Variants in HYAL4 observed in about 807,000 individuals in gnomAD.
HYAL4 encodes hyaluronidase-4.
HYAL4 carries 37 observed loss-of-function variants against 35.2 expected under a neutral mutation model. The observed-to-expected ratio is 1.05, with a 90% CI of 0.81 to 1.38. The LOEUF (loss-of-function observed/expected upper bound fraction) is 1.38. Among genes scored for constraint, HYAL4 ranks in the 40% most tolerant of loss-of-function variants. The pLI is 0.00. For missense variants in HYAL4, 572 were observed against 572.4 expected (o/e 1.00, Z 0.01); for synonymous variants, 198 against 203.2 (o/e 0.97, Z 0.22).
intron 2 of HYAL4, among the ~76,000 whole-genome samples, chr7:123,858,483 G>A (rs1400851385): frequency 6.6e-6 from 1 of 152,038 alleles, no homozygotes; most frequent in African/African-American, 2.4e-5. Flanking sequence ...CCATATGGTA[G>A]GATTGCTGTC....
At chr7:123,803,978 A>G in the HYAL4 span, among the ~76,000 whole-genome samples, 1 of 152,202 alleles carries the variant, frequency 6.6e-6, no homozygotes, top group Non-Finnish European at 1.5e-5. Flanking sequence ...CATTCTGGGT[A>G]TGTCTAGCTT....
At chr7:123,835,527 A>G (rs1805950934) in intron 1 of HYAL4, among the ~76,000 whole-genome samples, 1 of 152,120 alleles carries the variant, frequency 6.6e-6, no homozygotes, top group Non-Finnish European at 1.5e-5. Flanking sequence ...TTTTCAAAGA[A>G]GCAGGTTTTA....
the HYAL4 span, among the ~76,000 whole-genome samples, chr7:123,778,143 T>TTCTGTCTG: frequency 2.2e-5 from 3 of 135,476 alleles, no homozygotes; most frequent in Non-Finnish European, 4.7e-5. Flanking sequence ...ATACCCATCT[T>TTCTGTCTG]TCTATCTGTC....
Position 123,868,456 on chromosome 7 carries a change from A to G in HYAL4, c.183A>G (p.Ile61Met), listed in dbSNP as rs769575314. 6.2e-7 allele frequency: 1 copy of G among 1,606,366 alleles called. No homozygotes were observed. Residue 61 changes from isoleucine to methionine, a missense_variant, in exon 3 of 5, where the codon ATA becomes ATG. Physicochemically the swap from Ile to Met is conservative, Grantham distance 10. Coordinates refer to ENST00000223026, the MANE Select transcript of HYAL4 (RefSeq NM_012269.3). Reference sequence around the variant, plus strand: ...ATGCTCCAACAGATCAGTGTTTGATAAAATATAATTTAAGACTAAATTTGA... The same window carrying G: ...ATGCTCCAACAGATCAGTGTTTGATGAAATATAATTTAAGACTAAATTTGA... ...AWNAPTDQCL[I>M]KYNLRLNLKM...
upstream of HYAL4, among the ~76,000 whole-genome samples, chr7:123,841,973 T>C (rs921183544): frequency 2.0e-5 from 3 of 151,926 alleles, no homozygotes; most frequent in Non-Finnish European, 4.4e-5. Flanking sequence ...TTTTGAAGGA[T>C]TTTTTTGTGT....
Position 123,845,653 on chromosome 7 carries a change from C to T in HYAL4, c.-154C>T, listed in dbSNP as rs570463564. The T allele has an allele frequency of 6.6e-6, 1 of 152,162 alleles. No homozygotes were observed. The highest frequency in any genetic ancestry group is 6.5e-5 in the Admixed American group (1 of 15,288). The allele number at this position is 152,162 out of a possible 1,614,324, so 9.4% of individuals were successfully genotyped here. ...CTTCTGAATTCTTTTTTAGGAAAAT[C>T]AGGAATTTCTTCTTGGTTTGGAGCC... is the stretch of plus-strand genomic sequence containing the variant. On this transcript the variant is annotated 5_prime_UTR_variant, in exon 1 of 5. Coordinates refer to ENST00000223026, the MANE Select transcript of HYAL4 (RefSeq NM_012269.3).
chr7:123,823,357 A>G, the HYAL4 span, among the ~76,000 whole-genome samples: 1 of 151,986 alleles, frequency 6.6e-6, no homozygotes, highest in African/African-American at 2.4e-5. Flanking sequence ...GGTTGCTATT[A>G]TTTTGTTGAG....
chr7:123,850,093 C>G (rs1806268603), intron 2 of HYAL4, among the ~76,000 whole-genome samples: 1 of 152,186 alleles, frequency 6.6e-6, no homozygotes, highest in African/African-American at 2.4e-5. Flanking sequence ...ATCATTGTTA[C>G]TTGAGATACT....
chr7:123,779,475 T>C, the HYAL4 span, among the ~76,000 whole-genome samples: 11 of 151,286 alleles, frequency 7.3e-5, no homozygotes, highest in African/African-American at 2.7e-4. Flanking sequence ...AATGTAATAT[T>C]TACAGGTGAA....
the HYAL4 span, among the ~76,000 whole-genome samples, chr7:123,774,977 A>G: frequency 1.8e-4 from 28 of 152,242 alleles, no homozygotes; most frequent in African/African-American, 5.1e-4. Flanking sequence ...TTCTTGTTCT[A>G]TGTCCCTCTA....
chr7:123,855,817 C>T (rs1183839299), intron 2 of HYAL4, among the ~76,000 whole-genome samples: 1 of 152,066 alleles, frequency 6.6e-6, no homozygotes, highest in Non-Finnish European at 1.5e-5. Context: ...CCCTTCTCCC[C>T]ATCACTTTCA....
At chr7:123,869,286 C>A in intron 3 of HYAL4, 59 bp downstream of exon 3, 1 of 1,135,534 alleles carries the variant, frequency 8.8e-7, no homozygotes, top group Non-Finnish European at 1.2e-6. Context: ...AAGGACATTT[C>A]TTTGTTAATT....
intron 2 of HYAL4, among the ~76,000 whole-genome samples, chr7:123,864,145 C>G (rs1410371022): frequency 6.6e-6 from 1 of 152,194 alleles, no homozygotes; most frequent in Non-Finnish European, 1.5e-5. Flanking sequence ...CCAAGGTCAA[C>G]ATAGTAGCAG....
chr7:123,783,228 A>T, the HYAL4 span, among the ~76,000 whole-genome samples: 1 of 152,212 alleles, frequency 6.6e-6, no homozygotes, highest in Admixed American at 6.5e-5. Context: ...TAATGCAAAG[A>T]TGAATCAGAC....
chr7:123,786,224 G>A, the HYAL4 span, among the ~76,000 whole-genome samples: 3 of 152,140 alleles, frequency 2.0e-5, no homozygotes, highest in African/African-American at 2.4e-5. Flanking sequence ...TTGTTTTTAT[G>A]TACAACTTTT....
chr7:123,781,878 C>T, the HYAL4 span, among the ~76,000 whole-genome samples: 1 of 151,972 alleles, frequency 6.6e-6, no homozygotes, highest in Admixed American at 6.6e-5. Flanking sequence ...TAGTCTAGAA[C>T]CTGGGTTACT....
chr7:123,857,665 GTTTGTTTCTTTCTTTCTTTCTTTC>G (rs1806475006), intron 2 of HYAL4, among the ~76,000 whole-genome samples: 1 of 95,508 alleles, frequency 1.0e-5, no homozygotes, highest in Non-Finnish European at 2.4e-5. Context: ...TTCTTTCTTT[GTTTGTTTCTTTCTTTCTTTCTTTC>G]TTTCTTTCTT....
At chr7:123,869,325 A>G in intron 3 of HYAL4, 98 bp downstream of exon 3, 1 of 833,644 alleles carries the variant, frequency 1.2e-6, no homozygotes, top group East Asian at 2.7e-5. Context: ...ATTTCAATTA[A>G]TGGTTTGTTA....
intron 2 of HYAL4, among the ~76,000 whole-genome samples, chr7:123,865,146 A>G (rs1339052798): frequency 2.0e-5 from 3 of 152,150 alleles, no homozygotes; most frequent in Non-Finnish European, 4.4e-5. Flanking sequence ...TATGGTGGTG[A>G]TGAGGGAGCC....
Sources: gnomAD v4.1 joint callset for allele counts (sites outside exome capture counted in the v4.1 genomes callset) on GRCh38, gnomAD v4.1.1 for gene constraint, MANE v1.5 for transcripts, NCBI Gene and HGNC (gene_info 2026-07-23, HGNC 2026-07-21) for gene names.